The following MARCHF1 variants were observed in gnomAD, a reference collection of about 807,000 sequenced individuals.
MARCHF1 encodes the protein membrane associated ring-CH-type finger 1.
MARCHF1 carries 40 observed loss-of-function variants against 54.2 expected under a neutral mutation model. The ratio of observed to expected loss-of-function variants is 0.74; its 90% confidence interval spans 0.57 to 0.96. MARCHF1 has a LOEUF of 0.96. Among genes scored for constraint, MARCHF1 ranks in the 40% least tolerant of loss-of-function variants. The pLI is 0.00. For synonymous variants in MARCHF1, 236 were observed against 236.3 expected (o/e 1.00, Z 0.01); for missense variants, 586 against 656.5 (o/e 0.89, Z 1.17).
intron 8 of MARCHF1, among the ~76,000 whole-genome samples, chr4:163,573,036 G>A (rs967535958): frequency 1.3e-5 from 2 of 152,072 alleles, no homozygotes; most frequent in Admixed American, 1.3e-4. Context: ...AGAAAAATAG[G>A]AGGTCAGAAG....
chr4:164,043,860 C>A (rs1040520237), intron 2 of MARCHF1, among the ~76,000 whole-genome samples: 2 of 152,172 alleles, frequency 1.3e-5, no homozygotes, highest in African/African-American at 4.8e-5. Flanking sequence ...TTAGAAATTT[C>A]TTCCACCAGA....
At chr4:164,030,651 A>C (rs1753858464) in intron 2 of MARCHF1, among the ~76,000 whole-genome samples, 1 of 152,236 alleles carries the variant, frequency 6.6e-6, no homozygotes, top group South Asian at 2.1e-4. Context: ...TCAGGTATGC[A>C]GGAAGCACTG....
At chr4:164,291,416 T>G (rs1167963084) in intron 1 of MARCHF1, among the ~76,000 whole-genome samples, 3 of 152,004 alleles carry the variant, frequency 2.0e-5, no homozygotes, top group Non-Finnish European at 2.9e-5. Flanking sequence ...ATTATCTCAT[T>G]TGTAGAGAGT....
At chr4:163,654,047 A>G (rs890775222) in intron 5 of MARCHF1, among the ~76,000 whole-genome samples, 3 of 151,760 alleles carry the variant, frequency 2.0e-5, no homozygotes, top group Non-Finnish European at 2.9e-5. Context: ...AATAGAAATC[A>G]GTCTGGTGGG....
intron 7 of MARCHF1, 80 bp from the exon 8 acceptor site, chr4:163,586,009 T>G (rs1315387092): frequency 7.9e-7 from 1 of 1,267,652 alleles, no homozygotes; most frequent in Non-Finnish European, 1.1e-6. Flanking sequence ...TTGCTTATAC[T>G]AGGGCTATTA....
At chr4:164,122,384 A>G (rs1756086457) in intron 1 of MARCHF1, among the ~76,000 whole-genome samples, 1 of 152,112 alleles carries the variant, frequency 6.6e-6, no homozygotes, top group African/African-American at 2.4e-5. Flanking sequence ...ATTTGTGCCA[A>G]TAATGTTCAA....
chr4:164,320,113 A>G (rs952183512), intron 1 of MARCHF1, among the ~76,000 whole-genome samples: 1 of 152,188 alleles, frequency 6.6e-6, no homozygotes, highest in Non-Finnish European at 1.5e-5. Flanking sequence ...CTATTCAAAA[A>G]ACATTTGCCA....
At chr4:164,205,237 AATG>A (rs1731573572) in intron 1 of MARCHF1, among the ~76,000 whole-genome samples, 1 of 152,352 alleles carries the variant, frequency 6.6e-6, no homozygotes, top group Non-Finnish European at 1.5e-5. Context: ...GCCACTAAGT[AATG>A]ATGAGAGCTT....
At chr4:164,288,157 C>T (rs17614438) in intron 1 of MARCHF1, among the ~76,000 whole-genome samples, 82,320 of 151,804 alleles carry the variant, frequency 0.54, 25,149 homozygotes, top group Non-Finnish European at 0.7. Context: ...AGAGAATTAA[C>T]GCTGAGGTCT....
intron 4 of MARCHF1, among the ~76,000 whole-genome samples, chr4:163,790,314 A>T (rs1271406458): frequency 1.3e-5 from 2 of 152,132 alleles, no homozygotes; most frequent in Admixed American, 6.6e-5. Context: ...TCCTTAGCCC[A>T]GAAAAGACAA....
intron 1 of MARCHF1, among the ~76,000 whole-genome samples, chr4:164,339,788 GAAAA>G (rs1476331949): frequency 6.6e-6 from 1 of 151,822 alleles, no homozygotes. Context: ...TTGGTTTTTT[GAAAA>G]AATAAACAAA....
chr4:163,932,708 C>T, intron 3 of MARCHF1: 3 of 525,862 alleles, frequency 5.7e-6, no homozygotes, highest in South Asian at 3.3e-5. Context: ...TCATCTTAAA[C>T]ATCGAGCAGA....
intron 1 of MARCHF1, among the ~76,000 whole-genome samples, chr4:164,220,615 A>G (rs368947199): frequency 3.4e-5 from 5 of 145,950 alleles, no homozygotes; most frequent in East Asian, 2.0e-4. Flanking sequence ...TATATGCTAT[A>G]TATGCATATA....
chr4:163,559,203 A>C (rs1739390313), intron 8 of MARCHF1, among the ~76,000 whole-genome samples: 1 of 152,230 alleles, frequency 6.6e-6, no homozygotes, highest in Non-Finnish European at 1.5e-5. Context: ...AAACATAGAA[A>C]ACTAAAACGG....
At chr4:164,063,024 G>A (rs1754653986) in intron 2 of MARCHF1, among the ~76,000 whole-genome samples, 1 of 152,122 alleles carries the variant, frequency 6.6e-6, no homozygotes, top group South Asian at 2.1e-4. Context: ...GTTGTTTTCT[G>A]AGCAGTTCTC....
intron 7 of MARCHF1, among the ~76,000 whole-genome samples, chr4:163,607,090 A>AGAGAGAGT (rs1380355683): frequency 1.3e-5 from 2 of 152,044 alleles, no homozygotes; most frequent in Admixed American, 1.3e-4. Context: ...AGAGAAGGAG[A>AGAGAGAGT]GAGAGAGTGA....
At chr4:164,270,267 G>A (rs191055888) in intron 1 of MARCHF1, among the ~76,000 whole-genome samples, 1 of 152,222 alleles carries the variant, frequency 6.6e-6, no homozygotes, top group East Asian at 1.9e-4. Flanking sequence ...TAAACATAGA[G>A]ATTGCTCTTG....
rs148777092 is a variant in MARCHF1 at position 164,136,235 on chromosome 4, G to A, written c.-322-24573C>T. Among the ~76,000 whole-genome samples the A allele has an allele frequency of 3.8e-3, 522 of 136,232 alleles. 6 individuals are homozygous for A. The highest frequency in any genetic ancestry group is 0.013 in the African/African-American group (489 of 36,294). 89.4% of individuals were successfully genotyped at this position (136,232 alleles called of 152,430 possible). A position where few individuals can be genotyped will look rare whatever the true frequency, so the allele number is the denominator to read the frequency against. On this transcript the variant is annotated intron_variant, in intron 1 of 9. Transcript: ENST00000514618. ...CAAGAGTGCCTTTGTAGGAGTCTAG[G>A]AGTCCAATCAGTAAGTTCCAGCAAA...
chr4:164,206,105 C>T (rs1309732537), intron 1 of MARCHF1, among the ~76,000 whole-genome samples: 3 of 145,360 alleles, frequency 2.1e-5, no homozygotes, highest in East Asian at 2.0e-4. Context: ...ATCCCATCCC[C>T]GAGTTATCTT....
Sources: gnomAD v4.1 joint callset for allele counts (sites outside exome capture counted in the v4.1 genomes callset) on GRCh38, gnomAD v4.1.1 for gene constraint, MANE v1.5 for transcripts, NCBI Gene and HGNC (gene_info 2026-07-23, HGNC 2026-07-21) for gene names.